The following TMEFF2 variants were observed in gnomAD, a reference collection of about 807,000 sequenced individuals.
TMEFF2 encodes the protein tomoregulin-2.
In TMEFF2, 28 loss-of-function variants were observed where a neutral mutation model predicts 53.8. The observed-to-expected ratio is 0.52, with a 90% confidence interval of 0.39 to 0.71. The LOEUF is 0.71. Ranked by LOEUF, TMEFF2 falls within the 30% of genes least tolerant of loss-of-function variation. The pLI is 0.00. For missense variants in TMEFF2, 353 were observed against 455.2 expected (o/e 0.78, Z 2.04); for synonymous variants, 162 against 166.3 (o/e 0.97, Z 0.20).
At chr2:192,021,130 G>T (rs1024884875) in intron 5 of TMEFF2, among the ~76,000 whole-genome samples, 9 of 152,132 alleles carry the variant, frequency 5.9e-5, no homozygotes, top group African/African-American at 2.2e-4. Flanking sequence ...AAGCACAGGT[G>T]TTGTCTTTCT....
intron 4 of TMEFF2, among the ~76,000 whole-genome samples, chr2:192,079,925 A>G (rs1249757123): frequency 6.6e-6 from 1 of 152,230 alleles, no homozygotes; most frequent in Admixed American, 6.5e-5. Flanking sequence ...CCTTAATCCA[A>G]ATAAGTTTAC....
intron 7 of TMEFF2, among the ~76,000 whole-genome samples, chr2:191,975,903 A>G (rs139136962): frequency 6.6e-6 from 1 of 152,298 alleles, no homozygotes; most frequent in African/African-American, 2.4e-5. Context: ...TCTTCAAGCT[A>G]GGACATTCCA....
At chr2:192,070,109 CATT>C (rs941526974) in intron 4 of TMEFF2, among the ~76,000 whole-genome samples, 1 of 148,764 alleles carries the variant, frequency 6.7e-6, no homozygotes, top group Non-Finnish European at 1.5e-5. Flanking sequence ...TAACCAGCAC[CATT>C]ATTATTTTTG....
At chr2:192,096,085 C>A (rs1241925904) in intron 4 of TMEFF2, among the ~76,000 whole-genome samples, 1 of 152,102 alleles carries the variant, frequency 6.6e-6, no homozygotes, top group Non-Finnish European at 1.5e-5. Context: ...CACTTACTGG[C>A]AGGAAAATGG....
At chr2:192,062,831 A>G (rs1688077015) in intron 4 of TMEFF2, among the ~76,000 whole-genome samples, 1 of 151,622 alleles carries the variant, frequency 6.6e-6, no homozygotes. Flanking sequence ...CTTTTCTTGT[A>G]TTTTCCATGC....
At chr2:192,042,564 A>G (rs1323693938) in intron 5 of TMEFF2, among the ~76,000 whole-genome samples, 2 of 152,192 alleles carry the variant, frequency 1.3e-5, no homozygotes, top group Non-Finnish European at 2.9e-5. Flanking sequence ...ATGTGTAGGA[A>G]TGGACACTAG....
intron 2 of TMEFF2, among the ~76,000 whole-genome samples, chr2:192,186,933 G>A (rs761163832): frequency 5.3e-5 from 8 of 152,106 alleles, no homozygotes; most frequent in Non-Finnish European, 7.4e-5. Flanking sequence ...CTCATATGCC[G>A]CTTCTGAGGG....
Position 191,953,106 on chromosome 2 carries a change from A to G in TMEFF2, c.1028+573T>C, listed in dbSNP as rs373738161. On this transcript the variant is annotated intron_variant, in intron 9 of 9. Transcript: ENST00000272771. ...GCCTCATTCCTTTACTCCAAGCCCA[A>G]CGTCAGACATTGCTAATTAATCATG... is the stretch of plus-strand genomic sequence containing the variant. Among the ~76,000 whole-genome samples, 8 of 152,358 alleles carry G rather than the reference A, an allele frequency of 5.3e-5. No individual in the cohort carries two copies. The East Asian group carries it at 1.5e-3, about 29-fold the overall frequency.
At chr2:192,191,762 T>C in intron 2 of TMEFF2, 118 bp downstream of exon 2, 1 of 667,154 alleles carries the variant, frequency 1.5e-6, no homozygotes, top group Non-Finnish European at 2.5e-6. Flanking sequence ...TTTTGCTTGG[T>C]GCCAGCTTCC....
intron 4 of TMEFF2, among the ~76,000 whole-genome samples, chr2:192,111,318 T>C (rs1689271033): frequency 6.6e-6 from 1 of 152,126 alleles, no homozygotes. Context: ...GAAATCCAGG[T>C]TGAGGTTGTC....
At chr2:192,120,089 T>A (rs958972622) in intron 4 of TMEFF2, among the ~76,000 whole-genome samples, 1 of 152,120 alleles carries the variant, frequency 6.6e-6, no homozygotes, top group Non-Finnish European at 1.5e-5. Flanking sequence ...TTCCTATGGG[T>A]CAAGGCTCAG....
At chr2:192,118,750 A>G (rs1480864141) in intron 4 of TMEFF2, among the ~76,000 whole-genome samples, 3 of 152,196 alleles carry the variant, frequency 2.0e-5, no homozygotes, top group African/African-American at 7.2e-5. Flanking sequence ...AGTAAATCTG[A>G]GCTAGACCTG....
intron 4 of TMEFF2, among the ~76,000 whole-genome samples, chr2:192,099,199 A>T (rs1276071485): frequency 6.6e-6 from 1 of 152,034 alleles, no homozygotes; most frequent in Non-Finnish European, 1.5e-5. Flanking sequence ...TTTATAGTAA[A>T]CAAAATGTTA....
At position 192,075,301 on chromosome 2, in the gene TMEFF2, ATAT is replaced by A. The variant is rs1470007036; in HGVS notation, c.440-17529_440-17527del. On this transcript the variant is annotated intron_variant, in intron 4 of 9. Coordinates refer to ENST00000272771, the MANE Select transcript of TMEFF2 (RefSeq NM_016192.4). Reference sequence around the variant, plus strand: ...ACAGTACTATTATATATATATATATATATATATATATATATATATATATATATA... The same window carrying A: ...ACAGTACTATTATATATATATATATAATATATATATATATATATATATATA... Among the ~76,000 whole-genome samples, 186 of 42,868 alleles carry A rather than the reference ATAT, an allele frequency of 4.3e-3. 5 individuals are homozygous for A. Among genetic ancestry groups the A allele is most frequent in the Non-Finnish European group, 7.4e-3 (138 of 18,638 alleles). The allele number at this position is 42,868 out of a possible 152,430, so 28.1% of individuals were successfully genotyped here.
At chr2:192,163,237 G>A (rs1248404323) in intron 4 of TMEFF2, among the ~76,000 whole-genome samples, 1 of 152,166 alleles carries the variant, frequency 6.6e-6, no homozygotes, top group Non-Finnish European at 1.5e-5. Context: ...TATAGGTAAA[G>A]CGCTATTGTG....
intron 4 of TMEFF2, among the ~76,000 whole-genome samples, chr2:192,136,666 CCT>C (rs1350843667): frequency 1.3e-5 from 2 of 152,044 alleles, no homozygotes; most frequent in Admixed American, 6.6e-5. Context: ...TTCCCTTCTT[CCT>C]CTCTTTCTCC....
intron 4 of TMEFF2, among the ~76,000 whole-genome samples, chr2:192,135,813 C>G (rs958513940): frequency 6.6e-6 from 1 of 151,646 alleles, no homozygotes; most frequent in South Asian, 2.1e-4. Context: ...TGACACTCCA[C>G]CACTGTGATT....
chr2:192,150,991 G>A (rs775625713), intron 4 of TMEFF2, among the ~76,000 whole-genome samples: 8 of 151,700 alleles, frequency 5.3e-5, no homozygotes, highest in Non-Finnish European at 1.0e-4. Context: ...CCCATGTGTC[G>A]AGGGAGGTAC....
intron 4 of TMEFF2, among the ~76,000 whole-genome samples, chr2:192,173,028 G>C (rs1690952668): frequency 6.6e-6 from 1 of 151,814 alleles, no homozygotes; most frequent in Non-Finnish European, 1.5e-5. Context: ...TAGCTAATGG[G>C]TTCAAAAATA....
Sources: allele counts gnomAD v4.1 joint callset (sites outside exome capture counted in the v4.1 genomes callset), GRCh38; gene constraint gnomAD v4.1.1; transcripts MANE v1.5; gene names NCBI Gene and HGNC (gene_info 2026-07-23, HGNC 2026-07-21).